The following TMEM135 variants were observed in gnomAD, a reference collection of about 807,000 sequenced individuals.
TMEM135 encodes peroxisomal membrane protein 52.
TMEM135 carries 30 observed loss-of-function variants against 60.3 expected under a neutral mutation model. The ratio of observed to expected loss-of-function variants is 0.50; its 90% confidence interval spans 0.37 to 0.68. The LOEUF is 0.68. Ranked by LOEUF, TMEM135 falls within the 30% of genes least tolerant of loss-of-function variation. The pLI, the probability that TMEM135 is intolerant of heterozygous loss-of-function variation, is 0.00. For missense variants in TMEM135, 468 were observed against 548.8 expected (o/e 0.85, Z 1.47); for synonymous variants, 190 against 186.7 (o/e 1.02, Z -0.14).
At chr11:87,317,000 G>A (rs1009601192) in intron 12 of TMEM135, among the ~76,000 whole-genome samples, 2 of 151,402 alleles carry the variant, frequency 1.3e-5, no homozygotes, top group African/African-American at 4.8e-5. Flanking sequence ...ATATTAAAAT[G>A]TTCTATTACT....
chr11:87,244,973 C>G (rs1439076206), intron 6 of TMEM135, among the ~76,000 whole-genome samples: 1 of 151,554 alleles, frequency 6.6e-6, no homozygotes, highest in Non-Finnish European at 1.5e-5. Context: ...TTCCTGTTTT[C>G]TCTTGTGGGC....
intron 4 of TMEM135, among the ~76,000 whole-genome samples, chr11:87,120,468 A>ATTTCTTT (rs1228617912): frequency 1.3e-5 from 1 of 77,236 alleles, no homozygotes; most frequent in Non-Finnish European, 2.6e-5. Flanking sequence ...ATGAGATGAA[A>ATTTCTTT]TTTCTTTTTT....
chr11:87,185,038 T>G (rs377535200), intron 5 of TMEM135, among the ~76,000 whole-genome samples: 22 of 152,196 alleles, frequency 1.4e-4, no homozygotes, highest in African/African-American at 5.1e-4. Flanking sequence ...TCTCACTGAT[T>G]GCCAGTCTTC....
intron 6 of TMEM135, among the ~76,000 whole-genome samples, chr11:87,268,503 G>A (rs983182711): frequency 6.6e-6 from 1 of 151,998 alleles, no homozygotes; most frequent in Non-Finnish European, 1.5e-5. Context: ...TTGCATTTTA[G>A]ATGACTTAAA....
chr11:87,135,883 T>C (rs34134971), intron 4 of TMEM135, among the ~76,000 whole-genome samples: 53 of 152,076 alleles, frequency 3.5e-4, no homozygotes, highest in Non-Finnish European at 6.3e-4. Flanking sequence ...TGAATAGTTC[T>C]GTATTTATTT....
chr11:87,238,678 T>A (rs144165366), intron 6 of TMEM135, among the ~76,000 whole-genome samples: 1 of 152,110 alleles, frequency 6.6e-6, no homozygotes, highest in Admixed American at 6.6e-5. Context: ...ACTTCTTAAT[T>A]GTATTCAGAC....
chr11:87,069,284 CAAAAAAAAA>C (rs778885228), intron 2 of TMEM135, among the ~76,000 whole-genome samples: 1 of 62,550 alleles, frequency 1.6e-5, no homozygotes, highest in Non-Finnish European at 3.0e-5. Context: ...GACTCCGTCT[CAAAAAAAAA>C]AAAAAAAAAA....
At chr11:87,175,676 A>G (rs1055572807) in intron 5 of TMEM135, among the ~76,000 whole-genome samples, 3 of 152,154 alleles carry the variant, frequency 2.0e-5, no homozygotes, top group Admixed American at 1.3e-4. Context: ...GATCATATCA[A>G]TTTGTTTTGA....
At chr11:87,162,683 G>A (rs1324252462) in intron 5 of TMEM135, among the ~76,000 whole-genome samples, 1 of 152,110 alleles carries the variant, frequency 6.6e-6, no homozygotes, top group Non-Finnish European at 1.5e-5. Context: ...ATTAACATAC[G>A]TGTACATGTG....
chr11:87,111,104 A>T (rs955575873), intron 4 of TMEM135, among the ~76,000 whole-genome samples: 16 of 152,206 alleles, frequency 1.1e-4, no homozygotes, highest in Non-Finnish European at 2.9e-5. Flanking sequence ...GCTATAGAGT[A>T]TATGTAGAAG....
At chr11:87,076,888 G>A (rs925490051) in intron 3 of TMEM135, among the ~76,000 whole-genome samples, 3 of 152,162 alleles carry the variant, frequency 2.0e-5, no homozygotes, top group African/African-American at 7.2e-5. Flanking sequence ...TCCTACTGTG[G>A]CTGAGCTGGT....
chr11:87,088,645 A>G (rs1000285516), intron 3 of TMEM135, among the ~76,000 whole-genome samples: 1 of 152,248 alleles, frequency 6.6e-6, no homozygotes, highest in Admixed American at 6.5e-5. Context: ...CCTGCTTGAT[A>G]TTCATGAACA....
intron 5 of TMEM135, among the ~76,000 whole-genome samples, chr11:87,193,393 T>C (rs1387149568): frequency 6.6e-6 from 1 of 152,250 alleles, no homozygotes; most frequent in Non-Finnish European, 1.5e-5. Context: ...GTTTAGCCTC[T>C]GCTAATTTTT....
At chr11:87,168,120 A>T (rs1939117355) in intron 5 of TMEM135, among the ~76,000 whole-genome samples, 1 of 152,060 alleles carries the variant, frequency 6.6e-6, no homozygotes, top group African/African-American at 2.4e-5. Context: ...GTATTCTCTG[A>T]TGGTAGTTTG....
rs549659761 is a variant in TMEM135 at position 87,075,900 on chromosome 11, C to T, written c.362+4285C>T. ...CTAAATAAACAGGGTCTCTCTCTCT[C>T]TCTCTGTGTGCTGAACTGCTTGGAA... On this transcript the variant is annotated intron_variant, in intron 3 of 14. Coordinates refer to ENST00000305494, the MANE Select transcript of TMEM135 (RefSeq NM_022918.4). Among the ~76,000 whole-genome samples, 21 of 151,784 alleles carry T rather than the reference C, an allele frequency of 1.4e-4. No homozygotes were observed. The South Asian group carries it at 2.5e-3, about 18-fold the overall frequency.
rs779914468 is a variant in TMEM135, at chr11:87,314,560, T to A, written c.1077+13T>A. ...CAAATTGGTAGAGGTAAGCGAAATT[T>A]TTGTGCAAGAATAGTTCCAAAGAAC... On this transcript the variant is annotated intron_variant, in intron 12 of 14. Coordinates refer to ENST00000305494, the MANE Select transcript of TMEM135 (RefSeq NM_022918.4). 5.6e-6 allele frequency: 9 copies of A among 1,607,164 alleles called. No homozygotes were observed. The South Asian group carries it at 6.6e-5, about 12-fold the overall frequency.
chr11:87,157,266 T>A (rs1350711045), intron 4 of TMEM135, 75 bp from the exon 5 acceptor site: 2 of 1,340,906 alleles, frequency 1.5e-6, no homozygotes, highest in Non-Finnish European at 2.1e-6. Flanking sequence ...TTTTTCACAT[T>A]TAGGGTGTGG....
chr11:87,251,618 C>T (rs2135391730), intron 6 of TMEM135, among the ~76,000 whole-genome samples: 1 of 151,544 alleles, frequency 6.6e-6, no homozygotes, highest in African/African-American at 2.4e-5. Context: ...ACCATATATA[C>T]ATGTATATAT....
intron 14 of TMEM135, among the ~76,000 whole-genome samples, chr11:87,320,680 A>G (rs956202264): frequency 6.6e-6 from 1 of 152,176 alleles, no homozygotes; most frequent in Non-Finnish European, 1.5e-5. Flanking sequence ...TGTTGTGTCT[A>G]TTAAACATTT....
Sources: allele counts gnomAD v4.1 joint callset (sites outside exome capture counted in the v4.1 genomes callset), GRCh38; gene constraint gnomAD v4.1.1; transcripts MANE v1.5; gene names NCBI Gene and HGNC (gene_info 2026-07-23, HGNC 2026-07-21).